Variants in PCDH9 observed in about 807,000 individuals in gnomAD.
PCDH9 encodes the protein protocadherin 9.
PCDH9 carries 24 observed loss-of-function variants against 70.6 expected under a neutral mutation model. That is an observed-to-expected ratio of 0.34 (90% CI 0.25 to 0.48). The LOEUF (loss-of-function observed/expected upper bound fraction) is 0.48. Among genes scored for constraint, PCDH9 ranks in the 20% least tolerant of loss-of-function variants. PCDH9 has a pLI of 0.99. For synonymous variants in PCDH9, 562 were observed against 558.5 expected, an observed-to-expected ratio of 1.01 and a Z score of -0.09; for missense variants, 1,281 against 1,503.6, an observed-to-expected ratio of 0.85 and a Z score of 2.45.
intron 4 of PCDH9, among the ~76,000 whole-genome samples, chr13:66,401,707 C>T (rs1433460255): frequency 6.6e-6 from 1 of 152,056 alleles, no homozygotes; most frequent in Non-Finnish European, 1.5e-5. Flanking sequence ...ATGTCTTTAC[C>T]TGGCTAACTC....
chr13:66,329,773 CAGGT>C (rs1955907376), intron 4 of PCDH9, among the ~76,000 whole-genome samples: 1 of 152,134 alleles, frequency 6.6e-6, no homozygotes, highest in Non-Finnish European at 1.5e-5. Context: ...TAATTGTACA[CAGGT>C]AGGCGGAATG....
At chr13:66,831,605 T>C (rs556107438) in intron 3 of PCDH9, among the ~76,000 whole-genome samples, 2 of 152,258 alleles carry the variant, frequency 1.3e-5, no homozygotes, top group Non-Finnish European at 2.9e-5. Context: ...CAGCCTAATC[T>C]TCAGTTAACC....
At chr13:66,708,138 C>T (rs1210393984) in intron 3 of PCDH9, among the ~76,000 whole-genome samples, 3 of 151,508 alleles carry the variant, frequency 2.0e-5, no homozygotes, top group African/African-American at 7.2e-5. Context: ...CAAGCTCCGC[C>T]TCCCGGGTTC....
intron 2 of PCDH9, among the ~76,000 whole-genome samples, chr13:67,131,300 A>G (rs2087106713): frequency 6.6e-6 from 1 of 152,194 alleles, no homozygotes; most frequent in Non-Finnish European, 1.5e-5. Context: ...AGACAGTCCC[A>G]TCTCCTAAAT....
At chr13:66,315,632 C>A (rs1253385865) in intron 4 of PCDH9, among the ~76,000 whole-genome samples, 2 of 152,136 alleles carry the variant, frequency 1.3e-5, no homozygotes, top group Admixed American at 1.3e-4. Context: ...GAGGCGTGTG[C>A]CACCACGTCC....
At chr13:66,699,452 A>G (rs2078608296) in intron 3 of PCDH9, among the ~76,000 whole-genome samples, 1 of 152,196 alleles carries the variant, frequency 6.6e-6, no homozygotes, top group Non-Finnish European at 1.5e-5. Context: ...TTCAGATAAA[A>G]TCACCCAGGA....
At chr13:66,958,186 T>C (rs938219069) in intron 2 of PCDH9, among the ~76,000 whole-genome samples, 2 of 152,202 alleles carry the variant, frequency 1.3e-5, no homozygotes, top group Admixed American at 6.5e-5. Flanking sequence ...AATATGGTTG[T>C]AGCAGAGCAA....
intron 3 of PCDH9, among the ~76,000 whole-genome samples, chr13:66,745,196 C>A (rs1015514222): frequency 1.1e-4 from 17 of 152,144 alleles, no homozygotes; most frequent in Non-Finnish European, 1.5e-5. Flanking sequence ...TAAATCACTA[C>A]CGAGTATTGT....
chr13:67,030,638 T>C (rs1446349991), intron 2 of PCDH9, among the ~76,000 whole-genome samples: 3 of 152,082 alleles, frequency 2.0e-5, no homozygotes, highest in African/African-American at 7.2e-5. Flanking sequence ...AAATATCACA[T>C]GTACCCCATA....
chr13:66,895,031 C>T (rs2082154022), intron 3 of PCDH9, among the ~76,000 whole-genome samples: 2 of 152,084 alleles, frequency 1.3e-5, no homozygotes, highest in Non-Finnish European at 2.9e-5. Flanking sequence ...AGGTCTCAAA[C>T]TCCTGACCTC....
At chr13:66,307,172 C>T (rs771807913) in intron 4 of PCDH9, among the ~76,000 whole-genome samples, 7 of 151,908 alleles carry the variant, frequency 4.6e-5, no homozygotes, top group Non-Finnish European at 8.8e-5. Context: ...TACCTTAATT[C>T]CATTTTTTGT....
chr13:66,880,591 C>T (rs1473826036), intron 3 of PCDH9, among the ~76,000 whole-genome samples: 1 of 152,148 alleles, frequency 6.6e-6, no homozygotes, highest in African/African-American at 2.4e-5. Context: ...TTCCCAGCCT[C>T]TATCAATTAA....
chr13:66,920,044 T>C (rs1355925738), intron 2 of PCDH9, among the ~76,000 whole-genome samples: 1 of 151,006 alleles, frequency 6.6e-6, no homozygotes, highest in Non-Finnish European at 1.5e-5. Context: ...ATATGCTATC[T>C]GCTCCCCTTA....
chr13:66,587,418 T>C (rs1470322365), intron 4 of PCDH9, among the ~76,000 whole-genome samples: 1 of 152,126 alleles, frequency 6.6e-6, no homozygotes, highest in Non-Finnish European at 1.5e-5. Context: ...TTAGATCTCA[T>C]CTTCATTAGC....
At chr13:66,723,304 A>G (rs2078965861) in intron 3 of PCDH9, among the ~76,000 whole-genome samples, 1 of 152,200 alleles carries the variant, frequency 6.6e-6, no homozygotes, top group Admixed American at 6.5e-5. Flanking sequence ...TCTCTGAAAG[A>G]AGAGGTTTCC....
At chr13:66,372,289 G>C (rs547700187) in intron 4 of PCDH9, among the ~76,000 whole-genome samples, 3 of 152,002 alleles carry the variant, frequency 2.0e-5, no homozygotes, top group South Asian at 4.1e-4. Flanking sequence ...CAGAGTTCTA[G>C]TTTTGGAAAG....
chr13:66,703,035 T>C (rs1184537127), intron 3 of PCDH9, among the ~76,000 whole-genome samples: 1 of 152,234 alleles, frequency 6.6e-6, no homozygotes, highest in Non-Finnish European at 1.5e-5. Context: ...TGTGTGTGTG[T>C]TTGTATTTTC....
At chr13:66,714,977 C>T (rs1330154319) in intron 3 of PCDH9, among the ~76,000 whole-genome samples, 3 of 152,128 alleles carry the variant, frequency 2.0e-5, no homozygotes, top group East Asian at 1.9e-4. Context: ...TCATAGAAAA[C>T]ATTTATCATA....
At chr13:66,315,537 A>G (rs942421885) in intron 4 of PCDH9, among the ~76,000 whole-genome samples, 4 of 151,882 alleles carry the variant, frequency 2.6e-5, no homozygotes, top group Admixed American at 2.0e-4. Flanking sequence ...GCTGGAGTGC[A>G]GTGGCGCAAT....
Sources: allele counts gnomAD v4.1 joint callset (sites outside exome capture counted in the v4.1 genomes callset), GRCh38; gene constraint gnomAD v4.1.1; transcripts MANE v1.5; gene names NCBI Gene and HGNC (gene_info 2026-07-23, HGNC 2026-07-21).